Variants in SLX4IP observed in about 807,000 individuals in gnomAD.
SLX4IP encodes protein SLX4IP.
Under a neutral mutation model 32.9 loss-of-function variants are expected in SLX4IP, and 34 were observed. The ratio of observed to expected loss-of-function variants is 1.03; its 90% CI spans 0.79 to 1.38. SLX4IP has a LOEUF of 1.38. SLX4IP is among the 40% of genes most tolerant of loss of function. The pLI is 0.00. For synonymous variants in SLX4IP, 172 were observed against 171.7 expected (o/e 1.00, Z -0.01); for missense variants, 444 against 479.0 (o/e 0.93, Z 0.68).
At chr20:10,613,477 C>A (rs2066991460) in intron 6 of SLX4IP, 5 of 1,602,758 alleles carry the variant, frequency 3.1e-6, no homozygotes, top group South Asian at 2.2e-5. Context: ...TTCCCTCCTC[C>A]TTTGGAAGAT....
At chr20:10,596,119 G>A (rs1306751783) in intron 4 of SLX4IP, among the ~76,000 whole-genome samples, 1 of 152,164 alleles carries the variant, frequency 6.6e-6, no homozygotes, top group Non-Finnish European at 1.5e-5. Flanking sequence ...TTGTTCAGCA[G>A]TCCAGATAGG....
intron 2 of SLX4IP, among the ~76,000 whole-genome samples, chr20:10,496,754 G>A (rs1443747395): frequency 6.6e-6 from 1 of 152,124 alleles, no homozygotes; most frequent in Non-Finnish European, 1.5e-5. Context: ...GGCTTTTGTT[G>A]TTGGCTAGAA....
chr20:10,623,358 G>C lies in SLX4IP; in HGVS notation c.1206G>C (p.Lys402Asn). ...TIQNSPTKKR[K>N]KYERGH is the part of the protein sequence containing the mutation. ...AGAACAGCCCAACCAAGAAAAGAAA[G>C]AAATACGAAAGAGGCCATTAACACC... Residue 402 changes from lysine (K) to asparagine (N), a missense_variant, in exon 8 of 8, where the codon AAG becomes AAC. Coordinates refer to ENST00000334534, the MANE Select transcript of SLX4IP (RefSeq NM_001009608.3). 1 of 1,611,252 alleles carries C rather than the reference G, an allele frequency of 6.2e-7. No individual in the cohort carries two copies. Among genetic ancestry groups the C allele is most frequent in the Non-Finnish European group, 8.5e-7 (1 of 1,178,918 alleles).
chr20:10,518,251 T>G (rs577481218), intron 2 of SLX4IP, among the ~76,000 whole-genome samples: 1 of 152,366 alleles, frequency 6.6e-6, no homozygotes, highest in East Asian at 1.9e-4. Flanking sequence ...AAGAACACAT[T>G]GATTAAACGG....
chr20:10,458,024 A>G lies in SLX4IP; in HGVS notation c.-29-152A>G, dbSNP rs570591677. Among the ~76,000 whole-genome samples the G allele has an allele frequency of 2.6e-5, 4 of 152,270 alleles. 1 individual carries two copies. Among genetic ancestry groups the G allele is most frequent in the African/African-American group, 9.6e-5 (4 of 41,560 alleles). ...AAGCAGTGCTTAAATTACTAATTTA[A>G]TATAGTATTTTGGTTAAGGGCAATT... On this transcript the variant is annotated intron_variant, in intron 1 of 7. Coordinates refer to ENST00000334534, the MANE Select transcript of SLX4IP (RefSeq NM_001009608.3).
At chr20:10,544,809 A>G (rs574285270) in intron 2 of SLX4IP, among the ~76,000 whole-genome samples, 2 of 152,088 alleles carry the variant, frequency 1.3e-5, no homozygotes, top group East Asian at 3.9e-4. Context: ...TGGTGAATAT[A>G]TTTCCTGTTG....
rs1401047297 is a variant in SLX4IP, at chr20:10,613,495, A to C, written c.406-7819A>C. On this transcript the variant is annotated intron_variant, in intron 6 of 7. Transcript: ENST00000334534. ...CCTCCTCCTTTGGAAGATTTGCAGTACTTTGCTTCCATCTGAGCCAGAAAA... is the reference window on the plus strand; with the variant it reads ...CCTCCTCCTTTGGAAGATTTGCAGTCCTTTGCTTCCATCTGAGCCAGAAAA... 3 of 1,601,690 alleles carry C rather than the reference A, an allele frequency of 1.9e-6. No individual in the cohort carries two copies. In the East Asian group the frequency reaches 6.7e-5, roughly 36 times the overall value.
chr20:10,597,799 A>G (rs1600142180), intron 4 of SLX4IP, among the ~76,000 whole-genome samples: 2 of 152,086 alleles, frequency 1.3e-5, no homozygotes, highest in Non-Finnish European at 2.9e-5. Flanking sequence ...ACCAATTTGT[A>G]CTCCTGCCAG....
At chr20:10,480,631 G>A (rs2065513505) in intron 2 of SLX4IP, among the ~76,000 whole-genome samples, 1 of 152,136 alleles carries the variant, frequency 6.6e-6, no homozygotes, top group East Asian at 1.9e-4. Flanking sequence ...ATAAGGAATT[G>A]CTGAACCTCA....
chr20:10,439,104 ATT>A (rs1486167486), intron 1 of SLX4IP, among the ~76,000 whole-genome samples: 1 of 151,658 alleles, frequency 6.6e-6, no homozygotes, highest in East Asian at 1.9e-4. Context: ...ATATATAATA[ATT>A]TGTTTACATA....
At chr20:10,528,865 T>C (rs2065961564) in intron 2 of SLX4IP, among the ~76,000 whole-genome samples, 1 of 152,234 alleles carries the variant, frequency 6.6e-6, no homozygotes, top group Non-Finnish European at 1.5e-5. Context: ...CTTCTGAACA[T>C]AGATGCAGAC....
At chr20:10,572,094 T>A (rs1246375189) in intron 4 of SLX4IP, among the ~76,000 whole-genome samples, 1 of 152,182 alleles carries the variant, frequency 6.6e-6, no homozygotes. Flanking sequence ...CCATGGCAGA[T>A]CCCTGAGACA....
chr20:10,578,975 T>A (rs952875676), intron 4 of SLX4IP, among the ~76,000 whole-genome samples: 11 of 152,206 alleles, frequency 7.2e-5, no homozygotes, highest in African/African-American at 2.7e-4. Flanking sequence ...TATAAGTCCC[T>A]TATCAGCTAT....
chr20:10,553,798 C>T (rs1186225289), intron 2 of SLX4IP, among the ~76,000 whole-genome samples: 2 of 152,138 alleles, frequency 1.3e-5, no homozygotes, highest in East Asian at 3.8e-4. Context: ...AAATAAAATG[C>T]TGGTTGCAAC....
chr20:10,450,280 T>TA (rs1442895530), intron 1 of SLX4IP, among the ~76,000 whole-genome samples: 1 of 152,232 alleles, frequency 6.6e-6, no homozygotes, highest in South Asian at 2.1e-4. Context: ...GTATTCTTTT[T>TA]AAGTACCCTC....
intron 4 of SLX4IP, among the ~76,000 whole-genome samples, chr20:10,575,174 TG>T (rs1205615841): frequency 6.6e-6 from 1 of 152,106 alleles, no homozygotes; most frequent in Non-Finnish European, 1.5e-5. Context: ...TAAATTGATG[TG>T]GGGTGAGATT....
At chr20:10,522,832 C>T (rs977718947) in intron 2 of SLX4IP, among the ~76,000 whole-genome samples, 3 of 152,206 alleles carry the variant, frequency 2.0e-5, no homozygotes, top group African/African-American at 7.2e-5. Context: ...CCCCATGGCA[C>T]AGCCTGTTGC....
intron 5 of SLX4IP, 32 bp downstream of exon 5, chr20:10,598,784 T>A: frequency 6.3e-7 from 1 of 1,599,348 alleles, no homozygotes; most frequent in Non-Finnish European, 8.6e-7. Flanking sequence ...TTGTCAGACA[T>A]TTCACACAAT....
At chr20:10,585,438 T>C (rs1334252494) in intron 4 of SLX4IP, among the ~76,000 whole-genome samples, 1 of 152,240 alleles carries the variant, frequency 6.6e-6, no homozygotes, top group Middle Eastern at 3.2e-3. Context: ...CTTGACATGC[T>C]CTGCCATGGA....
Sources: gnomAD v4.1 joint callset for allele counts (sites outside exome capture counted in the v4.1 genomes callset) on GRCh38, gnomAD v4.1.1 for gene constraint, MANE v1.5 for transcripts, NCBI Gene and HGNC (gene_info 2026-07-23, HGNC 2026-07-21) for gene names.